SENP6: variants seen among roughly 807,000 people sequenced by gnomAD.
The protein encoded by SENP6 is sentrin-specific protease 6.
Under a neutral mutation model 134.5 loss-of-function variants are expected in SENP6, and 41 were observed. The ratio of observed to expected loss-of-function variants is 0.30; its 90% confidence interval spans 0.24 to 0.40. SENP6 has a LOEUF of 0.40. Among genes scored for constraint, SENP6 ranks in the 10% least tolerant of loss-of-function variants. The pLI is 1.00. For synonymous variants in SENP6, 395 were observed against 429.8 expected, an observed-to-expected ratio of 0.92 and a Z score of 1.00; for missense variants, 1,248 against 1,312.5, an observed-to-expected ratio of 0.95 and a Z score of 0.76.
At chr6:75,638,618 ATATATTTTTT>A (rs1561993170) in intron 5 of SENP6, among the ~76,000 whole-genome samples, 8 of 34,502 alleles carry the variant, frequency 2.3e-4, no homozygotes, top group Admixed American at 1.6e-3. Context: ...ATATATATAT[ATATATTTTTT>A]TTTTTTTTTT....
intron 18 of SENP6, among the ~76,000 whole-genome samples, chr6:75,699,041 A>G (rs1456312242): frequency 1.3e-5 from 2 of 151,856 alleles, no homozygotes; most frequent in Non-Finnish European, 2.9e-5. Flanking sequence ...AAAAAAAAAG[A>G]CAGAAAAGAA....
In SENP6 at chr6:75,602,475, G is replaced by A; in HGVS notation, c.-50G>A. 1 of 1,548,106 alleles carries A rather than the reference G, an allele frequency of 6.5e-7. No individual in the cohort carries two copies. The highest frequency in any genetic ancestry group is 8.7e-7 in the Non-Finnish European group (1 of 1,145,396). On this transcript the variant is annotated 5_prime_UTR_variant, in exon 1 of 24. Coordinates refer to ENST00000447266, the MANE Select transcript of SENP6 (RefSeq NM_015571.4). ...GCGGCCCCTCATCCCGGCGAGCACG[G>A]CGGCGGTGTGGGCCATGGATTAAGA...
At chr6:75,706,358 G>A (rs1186446328) in intron 19 of SENP6, among the ~76,000 whole-genome samples, 1 of 152,140 alleles carries the variant, frequency 6.6e-6, no homozygotes, top group Non-Finnish European at 1.5e-5. Context: ...TTACATTTCA[G>A]TGTGGCTTTT....
chr6:75,627,443 G>C (rs551586393), intron 3 of SENP6, among the ~76,000 whole-genome samples: 1 of 151,814 alleles, frequency 6.6e-6, no homozygotes, highest in Non-Finnish European at 1.5e-5. Context: ...GAAAAAAGTA[G>C]AAAAAAAGGA....
intron 16 of SENP6, among the ~76,000 whole-genome samples, chr6:75,689,432 CAG>C (rs929382848): frequency 2.0e-5 from 3 of 151,598 alleles, no homozygotes; most frequent in African/African-American, 4.9e-5. Flanking sequence ...CAAAAAAAAA[CAG>C]AAAATAAGTG....
chr6:75,678,737 T>C, intron 15 of SENP6, 45 bp downstream of exon 15: 1 of 1,382,216 alleles, frequency 7.2e-7, no homozygotes, highest in African/African-American at 1.4e-5. Flanking sequence ...AATGTCTTTC[T>C]CTGTTTTATT....
At chr6:75,694,963 C>G (rs919187001) in intron 16 of SENP6, among the ~76,000 whole-genome samples, 3 of 151,896 alleles carry the variant, frequency 2.0e-5, no homozygotes, top group African/African-American at 7.3e-5. Context: ...CAACCTCTGC[C>G]TCATAGGTTC....
chr6:75,670,710 A>G lies in SENP6; in HGVS notation c.1382A>G (p.Glu461Gly). ...RVGTLFRLLI[E>G]PVIFCLDFIK... ...GGAACACTCTTCCGGCTGTTAATAG[A>G]GCCTGTAATTGTAAGTACATCTTAA... Residue 461 changes from glutamate (E) to glycine (G), a missense_variant, in exon 11 of 24, where the codon GAG (glutamate) becomes GGG (glycine). By Grantham distance (98) the Glu-to-Gly change is moderately conservative (BLOSUM62 -2). Coordinates refer to ENST00000447266, the MANE Select transcript of SENP6 (RefSeq NM_015571.4). The G allele has an allele frequency of 6.2e-7, 1 of 1,605,254 alleles. No individual in the cohort carries two copies.
intron 11 of SENP6, among the ~76,000 whole-genome samples, chr6:75,673,048 C>T (rs1039100851): frequency 2.0e-5 from 3 of 152,062 alleles, no homozygotes; most frequent in Admixed American, 6.6e-5. Context: ...AGGATGGTCT[C>T]GATCTCTTGA....
Position 75,621,697 on chromosome 6 carries a change from A to T in SENP6, c.146+72A>T. ...TCATTAGAAAAACAATTTCTATTGTATGGAAATATTTTTAGGAGTATGGTA... is the reference window on the plus strand; with the variant it reads ...TCATTAGAAAAACAATTTCTATTGTTTGGAAATATTTTTAGGAGTATGGTA... On this transcript the variant is annotated intron_variant, in intron 2 of 23. Transcript: ENST00000447266. 4.5e-6 allele frequency: 4 copies of T among 896,408 alleles called. No individual in the cohort carries two copies. In the South Asian group the frequency reaches 4.7e-5, roughly 11 times the overall value. The allele number at this position is 896,408 out of a possible 1,614,324, so 55.5% of individuals were successfully genotyped here.
intron 5 of SENP6, among the ~76,000 whole-genome samples, chr6:75,638,242 G>T (rs959493263): frequency 2.1e-4 from 30 of 142,300 alleles, no homozygotes; most frequent in South Asian, 6.6e-4. Flanking sequence ...CTTTTCTTTT[G>T]TTTTTTTTTT....
intron 1 of SENP6, among the ~76,000 whole-genome samples, chr6:75,617,263 CTTTTTTTTTTTTTT>C (rs71002751): frequency 5.2e-5 from 3 of 58,100 alleles, no homozygotes; most frequent in African/African-American, 1.4e-4. Flanking sequence ...TTCTTTCTTT[CTTTTTTTTTTTTTT>C]TTTTTTTTTT....
chr6:75,614,897 G>A (rs937155484), intron 1 of SENP6, among the ~76,000 whole-genome samples: 3 of 151,866 alleles, frequency 2.0e-5, no homozygotes, highest in African/African-American at 4.8e-5. Flanking sequence ...TGTTGTTGTT[G>A]TTTTGAGACA....
At chr6:75,696,375 A>G (rs1329515682) in intron 17 of SENP6, among the ~76,000 whole-genome samples, 4 of 152,212 alleles carry the variant, frequency 2.6e-5, no homozygotes, top group East Asian at 1.9e-4. Flanking sequence ...ATGTTCATCC[A>G]TAATATCTAA....
At chr6:75,669,989 G>A (rs775074) in intron 10 of SENP6, among the ~76,000 whole-genome samples, 11,830 of 151,792 alleles carry the variant, frequency 0.078, 1,027 homozygotes, top group African/African-American at 0.22. Context: ...GCTGGAGTGC[G>A]GTGGTGCGTT....
At chr6:75,612,653 C>T (rs1767543582) in intron 1 of SENP6, among the ~76,000 whole-genome samples, 1 of 152,134 alleles carries the variant, frequency 6.6e-6, no homozygotes, top group Non-Finnish European at 1.5e-5. Context: ...ATTAAAACAT[C>T]ACTACAGTGG....
chr6:75,650,744 T>C (rs1382453132), intron 7 of SENP6, among the ~76,000 whole-genome samples: 1 of 152,212 alleles, frequency 6.6e-6, no homozygotes, highest in African/African-American at 2.4e-5. Context: ...AGCAATGCTA[T>C]AATAATACTG....
intron 6 of SENP6, among the ~76,000 whole-genome samples, chr6:75,641,922 A>G (rs371444018): frequency 6.6e-6 from 1 of 151,274 alleles, no homozygotes; most frequent in African/African-American, 2.4e-5. Flanking sequence ...TAAAAAAAAA[A>G]ACGAGTCTAT....
chr6:75,627,497 CT>C lies in SENP6; in HGVS notation c.207+3541del, dbSNP rs1195885697. On this transcript the variant is annotated intron_variant, in intron 3 of 23. Transcript: ENST00000447266. ...AATAAGATGTGAGCAGGCACGGTGT[CT>C]TTTGCCTGTAATCCCAGCACCTTGG... Among the ~76,000 whole-genome samples, 7 of 152,198 alleles carry C rather than the reference CT, an allele frequency of 4.6e-5. No individual in the cohort carries two copies. The East Asian group carries it at 1.4e-3, about 29-fold the overall frequency.
Sources: allele counts gnomAD v4.1 joint callset (sites outside exome capture counted in the v4.1 genomes callset), GRCh38; gene constraint gnomAD v4.1.1; transcripts MANE v1.5; gene names NCBI Gene and HGNC (gene_info 2026-07-23, HGNC 2026-07-21).